EPHA6: variants seen among roughly 807,000 people sequenced by gnomAD.
EPHA6 encodes the protein ephrin type-A receptor 6.
In EPHA6, 50 loss-of-function variants were observed where a neutral mutation model predicts 112.0. The ratio of observed to expected loss-of-function variants is 0.45; its 90% CI spans 0.36 to 0.56. EPHA6 has a LOEUF of 0.56. EPHA6 is among the 20% of genes least tolerant of loss of function. EPHA6 has a pLI of 0.00. For missense variants in EPHA6, 1,280 were observed against 1,417.4 expected (o/e 0.90, Z 1.56); for synonymous variants, 529 against 490.7 (o/e 1.08, Z -1.03).
At chr3:97,312,859 C>T (rs1168199684) in intron 5 of EPHA6, among the ~76,000 whole-genome samples, 2 of 151,278 alleles carry the variant, frequency 1.3e-5, no homozygotes, top group Non-Finnish European at 3.0e-5. Context: ...GAAGAAACTC[C>T]CAGTTAGTTG....
chr3:96,917,141 C>T (rs757233718), intron 2 of EPHA6, among the ~76,000 whole-genome samples: 83 of 151,914 alleles, frequency 5.5e-4, no homozygotes, highest in Non-Finnish European at 9.7e-4. Flanking sequence ...CATTTTTTGG[C>T]CGGGTGTGGT....
At chr3:97,183,612 G>A (rs973411408) in intron 3 of EPHA6, among the ~76,000 whole-genome samples, 9 of 151,882 alleles carry the variant, frequency 5.9e-5, no homozygotes, top group Non-Finnish European at 1.2e-4. Context: ...AATATCTCAT[G>A]TTTTCTTTAA....
chr3:97,601,745 T>A (rs1332979957), intron 12 of EPHA6, among the ~76,000 whole-genome samples: 1 of 152,124 alleles, frequency 6.6e-6, no homozygotes, highest in East Asian at 1.9e-4. Context: ...GGTTTAATTA[T>A]GTCATATGTA....
chr3:97,080,567 G>T (rs959908290), intron 3 of EPHA6, among the ~76,000 whole-genome samples: 2 of 151,990 alleles, frequency 1.3e-5, no homozygotes, highest in African/African-American at 4.8e-5. Flanking sequence ...TATAAGAACA[G>T]AAATTACTGT....
At chr3:97,000,114 T>C (rs570131197) in intron 3 of EPHA6, among the ~76,000 whole-genome samples, 13 of 151,920 alleles carry the variant, frequency 8.6e-5, no homozygotes, top group African/African-American at 2.6e-4. Context: ...TAAAAAGTTA[T>C]ACCAAGGCTA....
intron 10 of EPHA6, among the ~76,000 whole-genome samples, chr3:97,497,920 T>C (rs1350513684): frequency 3.3e-5 from 5 of 151,924 alleles, no homozygotes; most frequent in Non-Finnish European, 7.4e-5. Flanking sequence ...TAAGCAGTGA[T>C]TGACAGCAGA....
At chr3:96,946,303 C>A (rs2041250482) in intron 2 of EPHA6, among the ~76,000 whole-genome samples, 1 of 151,818 alleles carries the variant, frequency 6.6e-6, no homozygotes, top group Non-Finnish European at 1.5e-5. Context: ...AGGCATATCT[C>A]CTAATGCTAT....
intron 1 of EPHA6, among the ~76,000 whole-genome samples, chr3:96,818,616 A>G (rs757199999): frequency 6.6e-6 from 1 of 152,096 alleles, no homozygotes; most frequent in South Asian, 2.1e-4. Flanking sequence ...AACAAAATTC[A>G]TGGCCTAAAA....
chr3:97,282,687 G>C (rs980936304), intron 5 of EPHA6, among the ~76,000 whole-genome samples: 1 of 152,000 alleles, frequency 6.6e-6, no homozygotes, highest in South Asian at 2.1e-4. Flanking sequence ...TCTTTTGCAG[G>C]GACAATGGAT....
At chr3:97,012,490 TTATGTATATTCATATATATATG>T (rs1235887379) in intron 3 of EPHA6, among the ~76,000 whole-genome samples, 2 of 149,710 alleles carry the variant, frequency 1.3e-5, no homozygotes, top group African/African-American at 2.4e-5. Context: ...GCCCAACTAA[TTATGTATATTCATATATATATG>T]TATGTATATT....
At chr3:96,923,606 T>A (rs911936202) in intron 2 of EPHA6, among the ~76,000 whole-genome samples, 2 of 152,220 alleles carry the variant, frequency 1.3e-5, no homozygotes, top group African/African-American at 4.8e-5. Flanking sequence ...CTGCTGATAG[T>A]TTCTTTTGCC....
chr3:97,314,752 A>T (rs778784292), intron 5 of EPHA6, among the ~76,000 whole-genome samples: 2 of 151,484 alleles, frequency 1.3e-5, no homozygotes, highest in Non-Finnish European at 3.0e-5. Context: ...GAAGGAAGAT[A>T]GAAGTTAAGT....
intron 12 of EPHA6, among the ~76,000 whole-genome samples, chr3:97,599,883 T>C (rs932366018): frequency 6.6e-6 from 1 of 152,230 alleles, no homozygotes; most frequent in African/African-American, 2.4e-5. Context: ...ATGATATTGA[T>C]TCTTCCTACC....
intron 2 of EPHA6, among the ~76,000 whole-genome samples, chr3:96,876,923 A>G (rs1199126766): frequency 2.6e-5 from 4 of 152,092 alleles, no homozygotes; most frequent in African/African-American, 9.7e-5. Context: ...AGTGCATATC[A>G]TAGCATTTAT....
intron 5 of EPHA6, among the ~76,000 whole-genome samples, chr3:97,245,482 T>C (rs1457285345): frequency 2.0e-5 from 3 of 152,118 alleles, no homozygotes; most frequent in East Asian, 1.9e-4. Context: ...CATATGAATA[T>C]GTAGAAAGAC....
intron 5 of EPHA6, among the ~76,000 whole-genome samples, chr3:97,257,085 G>T (rs1267399965): frequency 6.6e-6 from 1 of 151,750 alleles, no homozygotes; most frequent in African/African-American, 2.4e-5. Context: ...GTTCATCATT[G>T]AATAAAATTT....
chr3:97,021,614 C>T (rs1027448737), intron 3 of EPHA6, among the ~76,000 whole-genome samples: 6 of 152,214 alleles, frequency 3.9e-5, no homozygotes, highest in African/African-American at 1.2e-4. Context: ...GGTGGGGATG[C>T]TCTTCCTTAC....
intron 2 of EPHA6, among the ~76,000 whole-genome samples, chr3:96,879,963 AG>A (rs916290305): frequency 6.6e-6 from 1 of 152,008 alleles, no homozygotes; most frequent in African/African-American, 2.4e-5. Flanking sequence ...GGAGGATAGG[AG>A]GGGGCAGTGA....
intron 2 of EPHA6, among the ~76,000 whole-genome samples, chr3:96,922,515 CTG>C (rs1242181825): frequency 6.6e-6 from 1 of 152,034 alleles, no homozygotes; most frequent in African/African-American, 2.4e-5. Context: ...ATATAAGAAA[CTG>C]TATTTTTCAG....
Sources: allele counts gnomAD v4.1 joint callset (sites outside exome capture counted in the v4.1 genomes callset), GRCh38; gene constraint gnomAD v4.1.1; transcripts MANE v1.5; gene names NCBI Gene and HGNC (gene_info 2026-07-23, HGNC 2026-07-21).